CYREN: variants seen among roughly 807,000 people sequenced by gnomAD.
CYREN encodes the protein cell cycle regulator of NHEJ.
In CYREN, 7 loss-of-function variants were observed where a neutral mutation model predicts 9.7. The ratio of observed to expected loss-of-function variants is 0.72; its 90% CI spans 0.41 to 1.36. The LOEUF is 1.36. Among genes scored for constraint, CYREN ranks in the 40% most tolerant of loss-of-function variants. The pLI is 0.01. For synonymous variants in CYREN, 76 were observed against 77.9 expected, an observed-to-expected ratio of 0.98 and a Z score of 0.13; for missense variants, 215 against 198.1, an observed-to-expected ratio of 1.09 and a Z score of -0.51.
chr7:135,164,501 C>G (rs146791672), downstream of CYREN: 11 of 1,613,004 alleles, frequency 6.8e-6, no homozygotes, highest in South Asian at 9.9e-5. Context: ...TCATAGTCCT[C>G]GTGATTGTGG....
intron 2 of CYREN, among the ~76,000 whole-genome samples, chr7:135,160,420 C>A (rs937641799): frequency 6.6e-6 from 1 of 152,092 alleles, no homozygotes; most frequent in East Asian, 1.9e-4. Flanking sequence ...AAAAGAAAAA[C>A]AAAAACCAGG....
At chr7:135,111,297 T>C (rs1490288510) in intron 2 of CYREN, among the ~76,000 whole-genome samples, 1 of 152,216 alleles carries the variant, frequency 6.6e-6, no homozygotes, top group African/African-American at 2.4e-5. Flanking sequence ...TTCCTCAAAA[T>C]ATAGCCAACA....
intron 2 of CYREN, among the ~76,000 whole-genome samples, chr7:135,158,668 G>A (rs1175622029): frequency 1.3e-5 from 2 of 151,822 alleles, no homozygotes; most frequent in African/African-American, 4.8e-5. Flanking sequence ...TTGGGCCTGG[G>A]ATCAGAGAGT....
exon 3 of CYREN, chr7:135,094,030 C>A (rs911816199): frequency 9.1e-5 from 17 of 185,838 alleles, no homozygotes; most frequent in Admixed American, 2.8e-4. Context: ...GGTACTGGGA[C>A]AACTGGATAT....
intron 2 of CYREN, among the ~76,000 whole-genome samples, chr7:135,118,912 A>C (rs1020285734): frequency 6.6e-6 from 1 of 152,150 alleles, no homozygotes; most frequent in Non-Finnish European, 1.5e-5. Flanking sequence ...TAATTGTACA[A>C]ATAGAGGAAA....
chr7:135,100,179 C>T (rs1240812232), intron 2 of CYREN: 1 of 150,686 alleles, frequency 6.6e-6, no homozygotes, highest in African/African-American at 2.4e-5. Flanking sequence ...AGCCACTGCA[C>T]CCGAGTTTCT....
At chr7:135,107,220 C>A (rs1824867217) in intron 2 of CYREN, among the ~76,000 whole-genome samples, 1 of 152,054 alleles carries the variant, frequency 6.6e-6, no homozygotes, top group South Asian at 2.1e-4. Flanking sequence ...TCCTCCACTT[C>A]AGCTCTGACT....
chr7:135,128,455 C>A, intron 2 of CYREN: 1 of 731,236 alleles, frequency 1.4e-6, no homozygotes. Context: ...GTCAGAAGAC[C>A]AAGAAGCTCA....
chr7:135,127,482 G>A (rs989307802), intron 2 of CYREN, among the ~76,000 whole-genome samples: 2 of 151,972 alleles, frequency 1.3e-5, no homozygotes, highest in Non-Finnish European at 2.9e-5. Flanking sequence ...GAACCCGGGA[G>A]GCGGAGGTTG....
chr7:135,111,594 A>G (rs972373079), intron 2 of CYREN, among the ~76,000 whole-genome samples: 1 of 151,938 alleles, frequency 6.6e-6, no homozygotes, highest in Non-Finnish European at 1.5e-5. Flanking sequence ...CTTTAATAAC[A>G]TTTCACAATA....
chr7:135,131,536 T>C (rs1201591055), intron 2 of CYREN, among the ~76,000 whole-genome samples: 1 of 151,808 alleles, frequency 6.6e-6, no homozygotes, highest in African/African-American at 2.4e-5. Flanking sequence ...TTAAAATAAG[T>C]GAGATATAGC....
chr7:135,131,832 A>T (rs903096633), intron 2 of CYREN, among the ~76,000 whole-genome samples: 4 of 152,152 alleles, frequency 2.6e-5, no homozygotes, highest in Non-Finnish European at 5.9e-5. Context: ...AAAGACATAA[A>T]TTACTAACAT....
chr7:135,141,662 C>A (rs1408935420), intron 2 of CYREN, among the ~76,000 whole-genome samples: 1 of 152,022 alleles, frequency 6.6e-6, no homozygotes, highest in Non-Finnish European at 1.5e-5. Flanking sequence ...AATGTGAGAT[C>A]TTTCTTTTGG....
chr7:135,097,641 G>A (rs1823108221), intron 2 of CYREN, among the ~76,000 whole-genome samples: 1 of 152,094 alleles, frequency 6.6e-6, no homozygotes, highest in South Asian at 2.1e-4. Flanking sequence ...CTGTGACATT[G>A]AGGCTTTTAT....
At chr7:135,164,680 T>A (rs1169994182), downstream of CYREN, 1 of 1,614,014 alleles carries the variant, frequency 6.2e-7, no homozygotes, top group Admixed American at 1.7e-5. Context: ...CGGGTTGGCC[T>A]GGGCCTGGCC....
At chr7:135,144,954 A>AAAAAAAAAAAAAAAAAAAAAAAAG (rs1829519144) in intron 2 of CYREN, among the ~76,000 whole-genome samples, 1 of 147,486 alleles carries the variant, frequency 6.8e-6, no homozygotes, top group African/African-American at 2.5e-5. Context: ...AAAAAAAAAA[A>AAAAAAAAAAAAAAAAAAAAAAAAG]AAAAAAAAAA....
chr7:135,142,640 A>G (rs570200506), intron 2 of CYREN, among the ~76,000 whole-genome samples: 41 of 152,324 alleles, frequency 2.7e-4, no homozygotes, highest in South Asian at 2.3e-3. Flanking sequence ...GCAAGACACT[A>G]GGTTAATATA....
At chr7:135,141,421 T>C (rs1829450799) in intron 2 of CYREN, among the ~76,000 whole-genome samples, 1 of 152,072 alleles carries the variant, frequency 6.6e-6, no homozygotes, top group African/African-American at 2.4e-5. Flanking sequence ...TTATTTCTGA[T>C]TGTGTTTATT....
At chr7:135,131,272 A>C (rs1421440886) in intron 2 of CYREN, among the ~76,000 whole-genome samples, 2 of 152,064 alleles carry the variant, frequency 1.3e-5, no homozygotes, top group Non-Finnish European at 2.9e-5. Flanking sequence ...GTGAGAACAC[A>C]TGGACACATA....
Sources: gnomAD v4.1 joint callset for allele counts (sites outside exome capture counted in the v4.1 genomes callset) on GRCh38, gnomAD v4.1.1 for gene constraint, MANE v1.5 for transcripts, NCBI Gene and HGNC (gene_info 2026-07-23, HGNC 2026-07-21) for gene names.